Variants in ATP10A observed in about 807,000 individuals in gnomAD.
The protein encoded by ATP10A is ATPase phospholipid transporting 10A (putative).
ATP10A carries 111 observed loss-of-function variants against 147.8 expected under a neutral mutation model. The ratio of observed to expected loss-of-function variants is 0.75; its 90% CI spans 0.64 to 0.88. ATP10A has a LOEUF of 0.88. Among genes scored for constraint, ATP10A ranks in the 40% least tolerant of loss-of-function variants. The pLI, the probability that ATP10A is intolerant of heterozygous loss-of-function variation, is 0.00. For missense variants in ATP10A, 1,927 were observed against 1,959.0 expected, an observed-to-expected ratio of 0.98 and a Z score of 0.31; for synonymous variants, 875 against 841.6, an observed-to-expected ratio of 1.04 and a Z score of -0.69.
chr15:25,715,630 C>T (rs1436613008), intron 9 of ATP10A, among the ~76,000 whole-genome samples: 3 of 152,252 alleles, frequency 2.0e-5, no homozygotes, highest in African/African-American at 7.2e-5. Flanking sequence ...ACTGCAGCTT[C>T]GGGAAGCAGC....
At chr15:25,700,711 A>G (rs981204527) in intron 13 of ATP10A, among the ~76,000 whole-genome samples, 3 of 152,142 alleles carry the variant, frequency 2.0e-5, no homozygotes, top group African/African-American at 7.2e-5. Flanking sequence ...AGCATGGCAG[A>G]CTTTCTGGGG....
intron 10 of ATP10A, chr15:25,708,528 C>T: frequency 2.1e-6 from 1 of 482,482 alleles, no homozygotes; most frequent in Non-Finnish European, 3.7e-6. Flanking sequence ...GCCACGTTGC[C>T]CAGGCTGGTC....
Position 25,680,816 on chromosome 15 carries a change from T to C in ATP10A, c.3672A>G (p.Lys1224=), listed in dbSNP as rs751916448. The C allele has an allele frequency of 1.9e-6, 3 of 1,613,072 alleles. No homozygotes were observed. The highest frequency in any genetic ancestry group is 2.5e-6 in the Non-Finnish European group (3 of 1,179,862). ...CCATGCAGGCGGCTCTTACCCAGGT[T>C]TTGGTTTCAATGCCCAGGTGGAGCA... is the stretch of plus-strand genomic sequence containing the variant. The part of the protein sequence containing the change: ...TFLLHLGIET[K]TWTWLNWITC... The change falls in exon 19 of 21, where the codon AAA becomes AAG. Residue 1224 remains lysine (K), a synonymous_variant. Transcript: ENST00000555815.
At chr15:25,795,468 A>C (rs978196402) in intron 1 of ATP10A, among the ~76,000 whole-genome samples, 1 of 152,190 alleles carries the variant, frequency 6.6e-6, no homozygotes, top group East Asian at 1.9e-4. Flanking sequence ...TTCCTATTGT[A>C]AATAGGAACA....
At chr15:25,809,213 C>T (rs991830426) in intron 1 of ATP10A, among the ~76,000 whole-genome samples, 22 of 152,190 alleles carry the variant, frequency 1.4e-4, no homozygotes, top group African/African-American at 4.3e-4. Flanking sequence ...AAGAGCCCAA[C>T]TGAGTGTGGG....
chr15:25,747,286 T>C (rs1454806953), intron 2 of ATP10A, among the ~76,000 whole-genome samples: 1 of 38,336 alleles, frequency 2.6e-5, no homozygotes, highest in African/African-American at 8.9e-5. Context: ...AAACTCCATC[T>C]CAAAAAAAAA....
chr15:25,695,931 A>AG (rs1002289899), intron 13 of ATP10A, among the ~76,000 whole-genome samples: 1 of 152,004 alleles, frequency 6.6e-6, no homozygotes, highest in Non-Finnish European at 1.5e-5. Flanking sequence ...TGCCAGGAAA[A>AG]GAAAAAAAAA....
At chr15:25,736,290 C>A in intron 2 of ATP10A, 149 bp from the exon 3 acceptor site, 1 of 660,916 alleles carries the variant, frequency 1.5e-6, no homozygotes, top group Non-Finnish European at 2.8e-6. Context: ...GCCAAAGCAA[C>A]GCCTTCTCCA....
chr15:25,728,181 C>A (rs760699487), intron 3 of ATP10A, among the ~76,000 whole-genome samples: 4 of 152,228 alleles, frequency 2.6e-5, no homozygotes, highest in Admixed American at 6.5e-5. Flanking sequence ...TGGCTCTTAG[C>A]GTCTCACCAG....
intron 2 of ATP10A, among the ~76,000 whole-genome samples, chr15:25,755,915 G>A (rs973455677): frequency 2.0e-5 from 3 of 152,136 alleles, no homozygotes; most frequent in Non-Finnish European, 4.4e-5. Flanking sequence ...ATTTGTAAGC[G>A]TGTCTCCTTC....
chr15:25,854,690 G>A (rs1893432725), intron 1 of ATP10A, among the ~76,000 whole-genome samples: 1 of 152,208 alleles, frequency 6.6e-6, no homozygotes, highest in Non-Finnish European at 1.5e-5. Context: ...GGCTCAGACT[G>A]AAGTTGTCTT....
chr15:25,769,675 G>T (rs1245569217), intron 2 of ATP10A, among the ~76,000 whole-genome samples: 1 of 152,018 alleles, frequency 6.6e-6, no homozygotes, highest in Non-Finnish European at 1.5e-5. Context: ...TCCTGACAGT[G>T]GAGAGAATTG....
chr15:25,694,939 T>C lies in ATP10A; in HGVS notation c.2968A>G (p.Lys990Glu). 1 of 1,614,178 alleles carries C rather than the reference T, an allele frequency of 6.2e-7. No individual in the cohort carries two copies. Among genetic ancestry groups the C allele is most frequent in the Non-Finnish European group, 8.5e-7 (1 of 1,180,040 alleles). Reference protein sequence around the residue: ...AYALEKNLEDKFLFLAKQCRS... With the variant: ...AYALEKNLEDEFLFLAKQCRS... ...CACTGCTTGGCAAGGAAGAGGAATT[T>C]GTCCTCCAGGTTTTTCTCGAGAGCG... The change falls in exon 14 of 21, where the codon AAA becomes GAA. Residue 990 changes from lysine to glutamate, a missense_variant. Lys to Glu is a moderately conservative substitution (Grantham distance 56). Coordinates refer to ENST00000555815, the MANE Select transcript of ATP10A (RefSeq NM_024490.4).
intron 1 of ATP10A, among the ~76,000 whole-genome samples, chr15:25,842,255 T>C (rs1892841100): frequency 6.6e-6 from 1 of 152,314 alleles, no homozygotes; most frequent in African/African-American, 2.4e-5. Flanking sequence ...TTTATTTTGT[T>C]TTCTCTATAC....
intron 1 of ATP10A, among the ~76,000 whole-genome samples, chr15:25,826,367 C>T (rs759135211): frequency 9.9e-5 from 15 of 152,172 alleles, no homozygotes; most frequent in Non-Finnish European, 1.5e-4. Flanking sequence ...TGAGACCAAC[C>T]TGAGCAACAT....
chr15:25,689,069 A>T (rs1267324794), intron 15 of ATP10A, among the ~76,000 whole-genome samples: 1 of 152,226 alleles, frequency 6.6e-6, no homozygotes, highest in Non-Finnish European at 1.5e-5. Context: ...ACAAGGCCAA[A>T]CTCTAGGCTG....
At chr15:25,690,240 TAAA>T (rs35580193) in intron 15 of ATP10A, among the ~76,000 whole-genome samples, 9,455 of 93,990 alleles carry the variant, frequency 0.1, 373 homozygotes, top group East Asian at 0.17. Context: ...TCCTTTTTTT[TAAA>T]AAAAAAAAAA....
intron 1 of ATP10A, among the ~76,000 whole-genome samples, chr15:25,831,989 T>C (rs1200942168): frequency 1.3e-5 from 2 of 152,142 alleles, no homozygotes; most frequent in Non-Finnish European, 2.9e-5. Flanking sequence ...TATAGTTAGT[T>C]AAGATAAGGT....
chr15:25,864,515 A>T (rs954353862), upstream of ATP10A, among the ~76,000 whole-genome samples: 1 of 152,112 alleles, frequency 6.6e-6, no homozygotes, highest in Non-Finnish European at 1.5e-5. Context: ...ACCCTGGCTT[A>T]CCCGGCTCCA....
Sources: allele counts gnomAD v4.1 joint callset (sites outside exome capture counted in the v4.1 genomes callset), GRCh38; gene constraint gnomAD v4.1.1; transcripts MANE v1.5; gene names NCBI Gene and HGNC (gene_info 2026-07-23, HGNC 2026-07-21).